NF2: variants seen among roughly 807,000 people sequenced by gnomAD.
The protein encoded by NF2 is NF2, moesin-ezrin-radixin like (MERLIN) tumor suppressor, also known as merlin.
Under a neutral mutation model 83.7 loss-of-function variants are expected in NF2, and 8 were observed. The ratio of observed to expected loss-of-function variants is 0.10; its 90% CI spans 0.06 to 0.17. NF2 has a LOEUF of 0.17. Among genes scored for constraint, NF2 ranks in the 10% least tolerant of loss-of-function variants. The pLI is 1.00. For missense variants in NF2, 533 were observed against 744.4 expected, an observed-to-expected ratio of 0.72 and a Z score of 3.31; for synonymous variants, 266 against 269.6, an observed-to-expected ratio of 0.99 and a Z score of 0.13.
At chr22:29,643,952 G>T (rs1375130619) in intron 4 of NF2, among the ~76,000 whole-genome samples, 1 of 132,696 alleles carries the variant, frequency 7.5e-6, no homozygotes, top group Non-Finnish European at 1.7e-5. Flanking sequence ...GGACGGGGCG[G>T]CTGGCCTGGC....
At chr22:29,618,709 T>C (rs935100739) in intron 1 of NF2, among the ~76,000 whole-genome samples, 2 of 152,256 alleles carry the variant, frequency 1.3e-5, no homozygotes, top group Non-Finnish European at 1.5e-5. Flanking sequence ...CTATCTTATA[T>C]TGAAAACAAA....
At chr22:29,668,539 T>C in intron 10 of NF2, 93 bp downstream of exon 10, 1 of 902,754 alleles carries the variant, frequency 1.1e-6, no homozygotes, top group Non-Finnish European at 1.8e-6. Flanking sequence ...AGGAGTCTTT[T>C]GGCCGTGGAC....
rs369234417 is a variant in NF2, at chr22:29,619,483, G to C, written c.114+15371G>C. ...GTGATCTCAGCTCACTTCAACCTCT[G>C]TCTCCTGGGTTCAAGCAATTCTCCT... On this transcript the variant is annotated intron_variant, in intron 1 of 15. Transcript: ENST00000338641. Among the ~76,000 whole-genome samples the C allele has an allele frequency of 6.6e-5, 10 of 152,130 alleles. No individual in the cohort carries two copies. In the South Asian group the frequency reaches 2.1e-3, roughly 32 times the overall value.
chr22:29,644,263 C>CTGCAATCTCGGCACTTTGG (rs1481358539), intron 4 of NF2, among the ~76,000 whole-genome samples: 3 of 146,276 alleles, frequency 2.1e-5, no homozygotes, highest in African/African-American at 5.1e-5. Flanking sequence ...CGGGCAGAGG[C>CTGCAATCTCGGCACTTTGG]GCTCCTCACA....
chr22:29,677,901 G>T (rs1441914716), intron 13 of NF2, among the ~76,000 whole-genome samples: 3 of 152,226 alleles, frequency 2.0e-5, no homozygotes, highest in Non-Finnish European at 4.4e-5. Context: ...GGGCCTGGGA[G>T]TTTCCTAAAT....
In NF2 at chr22:29,608,172, CAAAAAAAAA is replaced by C. The variant is rs570144418; in HGVS notation, c.114+4077_114+4085del. 8.8e-3 allele frequency among the ~76,000 whole-genome samples: 279 copies of C among 31,736 alleles called. 2 individuals are homozygous for C. Among genetic ancestry groups the C allele is most frequent in the Middle Eastern group, 0.11 (2 of 18 alleles). 20.8% of individuals were successfully genotyped at this position (31,736 alleles called of 152,430 possible). On this transcript the variant is annotated intron_variant, in intron 1 of 15. Transcript: ENST00000338641. The stretch of plus-strand genomic sequence containing the variant: ...TGGGCAACAGAGCAAGACTCTGTCT[CAAAAAAAAA>C]AAAAAAAAAAAAAAAAGTACAATAA...
intron 4 of NF2, among the ~76,000 whole-genome samples, chr22:29,643,292 ATT>A (rs1194773468): frequency 7.3e-5 from 10 of 137,792 alleles, no homozygotes; most frequent in Admixed American, 1.4e-4. Flanking sequence ...TACTTGTGTG[ATT>A]TTTTTTTTTT....
At chr22:29,624,994 G>A (rs2065326038) in intron 1 of NF2, among the ~76,000 whole-genome samples, 1 of 147,344 alleles carries the variant, frequency 6.8e-6, no homozygotes, top group Admixed American at 6.8e-5. Context: ...GTGCAGTGGT[G>A]AGATCTCGGC....
At chr22:29,641,072 GCAGTGAGCCGAGA>G (rs2065797021) in intron 3 of NF2, among the ~76,000 whole-genome samples, 1 of 152,180 alleles carries the variant, frequency 6.6e-6, no homozygotes, top group Non-Finnish European at 1.5e-5. Flanking sequence ...GGTGGAGGTT[GCAGTGAGCCGAGA>G]TTGCGCCATT....
chr22:29,694,849 G>C lies in NF2; in HGVS notation c.*47G>C. ...GACCTGCCACTTCTCCTGCTACCGG[G>C]ACCGCGGGATGGACCAGATATCAAG... is the stretch of plus-strand genomic sequence containing the variant. On this transcript the variant is annotated 3_prime_UTR_variant, in exon 16 of 16. Coordinates refer to ENST00000338641, the MANE Select transcript of NF2 (RefSeq NM_000268.4). This position sits in a 1 kb window ranked among gnomAD's most constrained non-coding sequence, Gnocchi z 4.1. The C allele has an allele frequency of 6.3e-7, 1 of 1,592,434 alleles. No homozygotes were observed. Among genetic ancestry groups the C allele is most frequent in the Non-Finnish European group, 8.6e-7 (1 of 1,165,486 alleles).
At chr22:29,619,395 T>TTTGC (rs2065156713) in intron 1 of NF2, among the ~76,000 whole-genome samples, 1 of 149,288 alleles carries the variant, frequency 6.7e-6, no homozygotes, top group Non-Finnish European at 1.5e-5. Flanking sequence ...TTTTTGTTTG[T>TTTGC]TTGTTTGTTT....
intron 15 of NF2, among the ~76,000 whole-genome samples, chr22:29,688,762 TG>T (rs958473620): frequency 3.9e-5 from 6 of 152,240 alleles, no homozygotes; most frequent in African/African-American, 1.4e-4. Flanking sequence ...AAATTGGATT[TG>T]TTCATTGGGG....
intron 3 of NF2, among the ~76,000 whole-genome samples, chr22:29,641,820 T>C (rs1269673228): frequency 6.6e-6 from 1 of 152,192 alleles, no homozygotes; most frequent in Non-Finnish European, 1.5e-5. Flanking sequence ...TAAAAGTAGA[T>C]CCATTTCCTC....
chr22:29,625,100 T>C (rs1197409112), intron 1 of NF2, among the ~76,000 whole-genome samples: 1 of 151,874 alleles, frequency 6.6e-6, no homozygotes, highest in East Asian at 1.9e-4. Flanking sequence ...CACTAATTTT[T>C]GTATTTTTAG....
chr22:29,629,585 G>A (rs2065455931), intron 1 of NF2, among the ~76,000 whole-genome samples: 1 of 152,198 alleles, frequency 6.6e-6, no homozygotes, highest in Non-Finnish European at 1.5e-5. Context: ...CTGAAATAAC[G>A]GCAGACACGT....
intron 4 of NF2, among the ~76,000 whole-genome samples, chr22:29,651,171 A>T (rs995749590): frequency 6.6e-6 from 1 of 152,102 alleles, no homozygotes; most frequent in African/African-American, 2.4e-5. Context: ...ATATGTAGTA[A>T]TCTAACCTTT....
At chr22:29,683,399 T>C in intron 15 of NF2, 1 of 1,310,356 alleles carries the variant, frequency 7.6e-7, no homozygotes. Flanking sequence ...TCCTTTGTCT[T>C]GGTGGCATAC....
At chr22:29,647,574 C>T (rs2531850) in intron 4 of NF2, among the ~76,000 whole-genome samples, 55,275 of 152,006 alleles carry the variant, frequency 0.36, 10,971 homozygotes, top group Non-Finnish European at 0.47. Flanking sequence ...TAGGTTCACA[C>T]TTCAGGTGGT....
At position 29,661,973 on chromosome 22, in the gene NF2, A is replaced by C. The variant is rs554376940; in HGVS notation, c.810+634A>C. On this transcript the variant is annotated intron_variant, in intron 8 of 15. Coordinates refer to ENST00000338641, the MANE Select transcript of NF2 (RefSeq NM_000268.4). ...TGCTTACAAGAATTCCAAAATAATT[A>C]AGGTGGAATAACTTAGATAAATGCT... Among the ~76,000 whole-genome samples, 133 of 152,368 alleles carry C rather than the reference A, an allele frequency of 8.7e-4. 3 individuals carry two copies. In the South Asian group the frequency reaches 0.027, roughly 31 times the overall value.
Sources: allele counts gnomAD v4.1 joint callset (sites outside exome capture counted in the v4.1 genomes callset), GRCh38; gene constraint gnomAD v4.1.1; non-coding constraint Gnocchi (gnomAD v3.1); transcripts MANE v1.5; gene names NCBI Gene and HGNC (gene_info 2026-07-23, HGNC 2026-07-21).